Variants in NAALADL2 observed in about 807,000 individuals in gnomAD.
NAALADL2 encodes N-acetylated alpha-linked acidic dipeptidase like 2, also known as inactive N-acetylated-alpha-linked acidic dipeptidase-like protein 2.
Under a neutral mutation model 87.2 loss-of-function variants are expected in NAALADL2, and 76 were observed. The observed-to-expected ratio is 0.87, with a 90% CI of 0.72 to 1.05. NAALADL2 has a LOEUF of 1.05. Ranked by LOEUF, NAALADL2 falls within the 50% of genes least tolerant of loss-of-function variation. The pLI is 0.00. For missense variants in NAALADL2, 1,089 were observed against 945.8 expected (o/e 1.15, Z -1.99); for synonymous variants, 354 against 331.0 (o/e 1.07, Z -0.75).
At chr3:174,714,330 C>A (rs1174058015) in intron 2 of NAALADL2, among the ~76,000 whole-genome samples, 1 of 152,144 alleles carries the variant, frequency 6.6e-6, no homozygotes, top group African/African-American at 2.4e-5. Flanking sequence ...TTTTCCAATT[C>A]TGTGAAGAAA....
chr3:174,452,983 A>G (rs1715586377), intron 1 of NAALADL2, among the ~76,000 whole-genome samples: 1 of 152,178 alleles, frequency 6.6e-6, no homozygotes. Context: ...AGGAATGAAG[A>G]TTATTGAGAT....
intron 9 of NAALADL2, among the ~76,000 whole-genome samples, chr3:175,493,313 G>A (rs541961823): frequency 3.9e-5 from 6 of 152,124 alleles, no homozygotes; most frequent in South Asian, 4.1e-4. Flanking sequence ...GCAACCTCGC[G>A]TTTGTATAAT....
In NAALADL2 at chr3:175,463,478, G is replaced by A; in HGVS notation, c.1312G>A (p.Gly438Ser). 1 of 1,589,842 alleles carries A rather than the reference G, an allele frequency of 6.3e-7. No homozygotes were observed. Among genetic ancestry groups the A allele is most frequent in the Non-Finnish European group, 8.6e-7 (1 of 1,165,064 alleles). ...TVTNVVGFVM[G>S]LTSPDRYIIV... is the part of the protein sequence containing the mutation. ...TACTAATGTTGTTGGATTTGTAATG[G>A]GCTTGACATCTCCAGGTAAGTAGGG... Residue 438 changes from glycine (G) to serine (S), a missense_variant, in exon 7 of 14, where the codon GGC becomes AGC. Coordinates refer to ENST00000454872, the MANE Select transcript of NAALADL2 (RefSeq NM_207015.3).
intron 1 of NAALADL2, chr3:175,060,136 C>A (rs1408323439): frequency 1.0e-5 from 2 of 193,018 alleles, no homozygotes; most frequent in East Asian, 1.6e-4. Context: ...TTGTTAAAAC[C>A]CGAAGACACA....
At chr3:174,547,467 A>T (rs1374424449) in intron 1 of NAALADL2, among the ~76,000 whole-genome samples, 1 of 152,128 alleles carries the variant, frequency 6.6e-6, no homozygotes, top group Non-Finnish European at 1.5e-5. Flanking sequence ...AAGAAGTTTC[A>T]AGAGATGAAG....
In NAALADL2 at chr3:175,281,955, T is replaced by G. The variant is rs530537394; in HGVS notation, c.939+25425T>G. ...TTGGATCTTTTATTTAAAATTCAACTGTTCTCATGTTTTGTTATTATTTCA... is the reference window on the plus strand; with the variant it reads ...TTGGATCTTTTATTTAAAATTCAACGGTTCTCATGTTTTGTTATTATTTCA... On this transcript the variant is annotated intron_variant, in intron 4 of 13. Transcript: ENST00000454872. Among the ~76,000 whole-genome samples the G allele has an allele frequency of 2.0e-5, 3 of 152,118 alleles. No individual in the cohort carries two copies. In the South Asian group the frequency reaches 6.2e-4, roughly 32 times the overall value.
At chr3:175,074,034 A>G (rs567318854) in intron 1 of NAALADL2, among the ~76,000 whole-genome samples, 2 of 152,134 alleles carry the variant, frequency 1.3e-5, no homozygotes, top group Non-Finnish European at 2.9e-5. Flanking sequence ...TTCTACTAGA[A>G]GTGAGTTCCA....
intron 3 of NAALADL2, among the ~76,000 whole-genome samples, chr3:174,777,065 CTG>C (rs1715299278): frequency 6.6e-6 from 1 of 152,090 alleles, no homozygotes. Flanking sequence ...AGTAAAATGA[CTG>C]TGTGCATTTG....
At chr3:175,518,884 A>C (rs1351576627) in intron 9 of NAALADL2, among the ~76,000 whole-genome samples, 1 of 152,256 alleles carries the variant, frequency 6.6e-6, no homozygotes, top group Non-Finnish European at 1.5e-5. Flanking sequence ...AAAAGGTCAT[A>C]CAAATTGTTT....
chr3:175,296,153 A>G (rs2110183047), intron 4 of NAALADL2, among the ~76,000 whole-genome samples: 1 of 39,274 alleles, frequency 2.5e-5, no homozygotes, highest in East Asian at 5.7e-4. Flanking sequence ...CCTTAAATCA[A>G]CGGCCCACCA....
At chr3:175,304,508 T>A (rs887542576) in intron 4 of NAALADL2, among the ~76,000 whole-genome samples, 1 of 152,182 alleles carries the variant, frequency 6.6e-6, no homozygotes. Context: ...CTCATTTCTA[T>A]ATTAGTTTGG....
At chr3:175,655,474 T>C in intron 11 of NAALADL2, 1 of 382,956 alleles carries the variant, frequency 2.6e-6, no homozygotes, top group Non-Finnish European at 5.2e-6. Context: ...TTTTTCTTCC[T>C]AAATAGTGAA....
chr3:174,467,200 A>G (rs1181919275), intron 1 of NAALADL2, among the ~76,000 whole-genome samples: 1 of 152,186 alleles, frequency 6.6e-6, no homozygotes, highest in Non-Finnish European at 1.5e-5. Flanking sequence ...TCTCATATAT[A>G]CACCCTTTAA....
At chr3:175,310,069 G>A (rs1479196708) in intron 4 of NAALADL2, among the ~76,000 whole-genome samples, 1 of 152,164 alleles carries the variant, frequency 6.6e-6, no homozygotes, top group Non-Finnish European at 1.5e-5. Context: ...GAACTTGCAA[G>A]CAGTGTAAGA....
At chr3:174,591,845 G>T (rs1024628873) in intron 2 of NAALADL2, among the ~76,000 whole-genome samples, 1 of 151,986 alleles carries the variant, frequency 6.6e-6, no homozygotes, top group Non-Finnish European at 1.5e-5. Context: ...TATGAGTTTT[G>T]CTGTTTTGGA....
At chr3:174,654,190 A>G (rs1023720877) in intron 2 of NAALADL2, among the ~76,000 whole-genome samples, 1 of 151,942 alleles carries the variant, frequency 6.6e-6, no homozygotes, top group African/African-American at 2.4e-5. Context: ...ATTTATTTGC[A>G]TTATACTCTG....
chr3:175,583,685 T>C (rs572915629), intron 10 of NAALADL2, among the ~76,000 whole-genome samples: 1 of 152,324 alleles, frequency 6.6e-6, no homozygotes, highest in Non-Finnish European at 1.5e-5. Flanking sequence ...CAAGACAATG[T>C]TCAGAGAAAA....
chr3:175,249,893 G>A (rs1460369241), intron 3 of NAALADL2, among the ~76,000 whole-genome samples: 2 of 152,144 alleles, frequency 1.3e-5, no homozygotes, highest in Admixed American at 1.3e-4. Flanking sequence ...TTCTTGCCGG[G>A]TGCAGTGGCT....
intron 3 of NAALADL2, among the ~76,000 whole-genome samples, chr3:174,841,061 A>AAAG (rs1438277766): frequency 6.6e-6 from 1 of 152,078 alleles, no homozygotes; most frequent in East Asian, 1.9e-4. Context: ...GAAGAAGAAG[A>AAAG]AAAGGAAGAA....
Sources: allele counts gnomAD v4.1 joint callset (sites outside exome capture counted in the v4.1 genomes callset), GRCh38; gene constraint gnomAD v4.1.1; transcripts MANE v1.5; gene names NCBI Gene and HGNC (gene_info 2026-07-23, HGNC 2026-07-21).